Variants in PCDH11Y observed in about 807,000 individuals in gnomAD.
PCDH11Y encodes protocadherin-11 Y-linked.
For synonymous variants in PCDH11Y, 9 were observed against 83.6 expected (o/e 0.11, Z 4.87); for missense variants, 12 against 224.8 (o/e 0.05, Z 6.05).
chrY:5,386,142 G>C (rs2053215091), intron 2 of PCDH11Y, among the ~76,000 whole-genome samples: 5 of 33,277 alleles, frequency 1.5e-4, no homozygotes, highest in East Asian at 1.6e-3. Context: ...CAATACTTTT[G>C]GCTGATAATT....
At chrY:5,108,021 T>C, downstream of PCDH11Y, among the ~76,000 whole-genome samples, 5 of 24,748 alleles carry the variant, frequency 2.0e-4, no homozygotes, top group Admixed American at 8.2e-4. Flanking sequence ...ATCGCGCCAC[T>C]GCACTCCAGC....
At chrY:5,650,027 A>G in intron 4 of PCDH11Y, among the ~76,000 whole-genome samples, 2 of 32,895 alleles carry the variant, frequency 6.1e-5, no homozygotes. Flanking sequence ...AGCATTGTAA[A>G]TTATCTTTTC....
At chrY:5,011,132 T>G in intron 1 of PCDH11Y, among the ~76,000 whole-genome samples, 1 of 30,432 alleles carries the variant, frequency 3.3e-5, no homozygotes, top group African/African-American at 1.3e-4. Flanking sequence ...AAGTTTTAAA[T>G]TCAACTAGAT....
intron 2 of PCDH11Y, among the ~76,000 whole-genome samples, chrY:5,297,913 G>T (rs2053077066): frequency 3.0e-5 from 1 of 33,428 alleles, no homozygotes; most frequent in African/African-American, 1.2e-4. Context: ...TGCAGCGGGG[G>T]AAATGGTAAG....
intron 2 of PCDH11Y, among the ~76,000 whole-genome samples, chrY:5,344,668 C>A: frequency 9.2e-5 from 3 of 32,615 alleles, no homozygotes; most frequent in African/African-American, 2.4e-4. Context: ...TCTAACTTTT[C>A]TTTTATTTTT....
chrY:5,728,913 T>C, intron 4 of PCDH11Y, among the ~76,000 whole-genome samples: 1 of 33,034 alleles, frequency 3.0e-5, no homozygotes, highest in Non-Finnish European at 7.5e-5. Context: ...CTTAGGATAA[T>C]GGCCTCCAGC....
chrY:5,295,836 G>A, intron 2 of PCDH11Y, among the ~76,000 whole-genome samples: 1 of 33,236 alleles, frequency 3.0e-5, no homozygotes, highest in Non-Finnish European at 7.4e-5. Context: ...GCTTGATCAC[G>A]TGTGCTATTA....
At chrY:5,367,676 G>A (rs2053182428) in intron 2 of PCDH11Y, among the ~76,000 whole-genome samples, 1 of 27,453 alleles carries the variant, frequency 3.6e-5, no homozygotes, top group Non-Finnish European at 8.5e-5. Flanking sequence ...GTGAGCCACC[G>A]CGCCCGGCCT....
At chrY:5,529,299 A>G (rs2053390587) in intron 3 of PCDH11Y, among the ~76,000 whole-genome samples, 1 of 32,245 alleles carries the variant, frequency 3.1e-5, no homozygotes, top group Admixed American at 2.9e-4. Context: ...TCCTGGATAT[A>G]GAAAGCAGCA....
intron 4 of PCDH11Y, among the ~76,000 whole-genome samples, chrY:5,639,447 A>G (rs2053521139): frequency 3.1e-5 from 1 of 32,372 alleles, no homozygotes; most frequent in Admixed American, 2.9e-4. Flanking sequence ...TTCCCAATGC[A>G]TATAAAAATT....
chrY:5,342,110 A>G, intron 2 of PCDH11Y, among the ~76,000 whole-genome samples: 7 of 33,225 alleles, frequency 2.1e-4, no homozygotes, highest in Non-Finnish European at 3.7e-4. Flanking sequence ...AAGGCCATAG[A>G]CTAATTTTTT....
intron 3 of PCDH11Y, among the ~76,000 whole-genome samples, chrY:5,552,843 C>G: frequency 3.2e-5 from 1 of 31,088 alleles, no homozygotes; most frequent in Non-Finnish European, 7.7e-5. Context: ...TCAGCTCTTT[C>G]TCTCCCCTCC....
At chrY:5,478,855 C>CT (rs2053322678) in intron 2 of PCDH11Y, among the ~76,000 whole-genome samples, 5 of 29,257 alleles carry the variant, frequency 1.7e-4, no homozygotes, top group Non-Finnish European at 3.3e-4. Flanking sequence ...TGCTTTTTTT[C>CT]TTTTTTTTTT....
chrY:5,735,845 T>A (rs2124715696), intron 4 of PCDH11Y, among the ~76,000 whole-genome samples: 1 of 32,899 alleles, frequency 3.0e-5, no homozygotes, highest in African/African-American at 1.2e-4. Flanking sequence ...ACTGACATCA[T>A]AACAATATTG....
intron 2 of PCDH11Y, among the ~76,000 whole-genome samples, chrY:5,354,470 A>G (rs2124670700): frequency 3.1e-5 from 1 of 32,235 alleles, no homozygotes; most frequent in Admixed American, 2.9e-4. Flanking sequence ...TAAAATATTC[A>G]ATATGCCAAG....
At chrY:5,169,798 T>G in intron 2 of PCDH11Y, among the ~76,000 whole-genome samples, 2 of 32,142 alleles carry the variant, frequency 6.2e-5, no homozygotes, top group African/African-American at 1.2e-4. Context: ...CTTAACTAAA[T>G]ATTAAATTTT....
At chrY:5,612,203 C>T in intron 4 of PCDH11Y, among the ~76,000 whole-genome samples, 4 of 32,502 alleles carry the variant, frequency 1.2e-4, no homozygotes, top group Non-Finnish European at 2.2e-4. Context: ...CTCCTCCTAG[C>T]GAGAGCCCGT....
intron 2 of PCDH11Y, among the ~76,000 whole-genome samples, chrY:5,365,890 A>G (rs1602912384): frequency 3.2e-3 from 106 of 33,217 alleles, no homozygotes; most frequent in African/African-American, 0.011. Flanking sequence ...TTAGTATTTC[A>G]TTATTAGTAT....
Position 5,129,476 on chromosome Y carries a change from C to CAGAGAGAG in PCDH11Y, c.3129+28770_3129+28771insGAGAGAGA, listed in dbSNP as rs1280522069. 3.4e-3 allele frequency among the ~76,000 whole-genome samples: 35 copies of CAGAGAGAG among 10,391 alleles called. No individual in the cohort carries two copies. In the South Asian group the frequency reaches 0.095, roughly 28 times the overall value. The allele number at this position is 10,391 out of a possible 37,273, so 27.9% of individuals were successfully genotyped here. On this transcript the variant is annotated intron_variant, in intron 2 of 4. Coordinates refer to the PCDH11Y transcript ENST00000400457. The stretch of plus-strand genomic sequence containing the variant: ...ACACACACACATACCCACACACACA[C>CAGAGAGAG]ACAGAGAGAGAGAGAGAGAGAGAGA...
Sources: allele counts gnomAD v4.1 joint callset (sites outside exome capture counted in the v4.1 genomes callset), GRCh38; gene constraint gnomAD v4.1.1; transcripts MANE v1.5; gene names NCBI Gene and HGNC (gene_info 2026-07-23, HGNC 2026-07-21).